The following TRHDE variants were observed in gnomAD, a reference collection of about 807,000 sequenced individuals.
The protein encoded by TRHDE is thyrotropin-releasing hormone-degrading ectoenzyme.
TRHDE carries 72 observed loss-of-function variants against 125.7 expected under a neutral mutation model. That is an observed-to-expected ratio of 0.57 (90% CI 0.47 to 0.70). TRHDE has a LOEUF of 0.70. Among genes scored for constraint, TRHDE ranks in the 30% least tolerant of loss-of-function variants. TRHDE has a pLI of 0.00. For synonymous variants in TRHDE, 509 were observed against 509.1 expected, an observed-to-expected ratio of 1.00 and a Z score of 0.00; for missense variants, 1,110 against 1,327.1, an observed-to-expected ratio of 0.84 and a Z score of 2.54.
chr12:72,543,680 G>A (rs1212782089), intron 7 of TRHDE, among the ~76,000 whole-genome samples: 1 of 151,214 alleles, frequency 6.6e-6, no homozygotes, highest in African/African-American at 2.4e-5. Flanking sequence ...GCAAGTTGAT[G>A]TGAAATCATT....
chr12:72,286,904 G>T lies in TRHDE; in HGVS notation c.1138G>T (p.Ala380Ser). The T allele has an allele frequency of 6.2e-7, 1 of 1,613,814 alleles. No individual in the cohort carries two copies. The highest frequency in any genetic ancestry group is 8.5e-7 in the Non-Finnish European group (1 of 1,179,944). The change falls in exon 2 of 19, where the codon GCA becomes TCA. Residue 380 changes from alanine to serine, a missense_variant. Coordinates refer to ENST00000261180, the MANE Select transcript of TRHDE (RefSeq NM_013381.3). ...PLMSTYYLAW[A>S]ICNFTYRETT... Reference sequence around the variant, plus strand: ...CATGTCCACATATTATTTAGCCTGGGCAATTTGCAACTTCACATACAGAGA... The same window carrying T: ...CATGTCCACATATTATTTAGCCTGGTCAATTTGCAACTTCACATACAGAGA...
rs1238419477 is a variant in TRHDE at position 72,575,269 on chromosome 12, A to G, written c.2146A>G (p.Thr716Ala). The G allele has an allele frequency of 2.5e-6, 4 of 1,613,308 alleles. No homozygotes were observed. Among genetic ancestry groups the G allele is most frequent in the Non-Finnish European group, 3.4e-6 (4 of 1,179,632 alleles). Residue 716 changes from threonine to alanine, a missense_variant, in exon 11 of 19, where the codon ACT becomes GCT. Coordinates refer to ENST00000261180, the MANE Select transcript of TRHDE (RefSeq NM_013381.3). ...VSNKSEHHRI[T>A]YLDKGSWLLG... ...GCTTTTTTCAGAGCACCACAGAATA[A>G]CTTATTTGGACAAAGGAAGCTGGCT...
At chr12:72,576,828 C>T (rs1484133776) in intron 12 of TRHDE, among the ~76,000 whole-genome samples, 1 of 152,036 alleles carries the variant, frequency 6.6e-6, no homozygotes, top group Middle Eastern at 3.2e-3. Context: ...AATCTAAGGA[C>T]AACTTATCAA....
intron 5 of TRHDE, among the ~76,000 whole-genome samples, chr12:72,493,941 A>G (rs1381068897): frequency 6.6e-6 from 1 of 151,958 alleles, no homozygotes; most frequent in African/African-American, 2.4e-5. Context: ...CCATTTTTAC[A>G]TGTAGCAAGT....
chr12:72,258,809 C>T (rs533067837), intron 2 of TRHDE, among the ~76,000 whole-genome samples: 1 of 152,248 alleles, frequency 6.6e-6, no homozygotes, highest in South Asian at 2.1e-4. Context: ...GTCAGTTATT[C>T]AATAGAAGTT....
chr12:72,113,552 C>G (rs1460617666), intron 2 of TRHDE, among the ~76,000 whole-genome samples: 2 of 151,966 alleles, frequency 1.3e-5, no homozygotes, highest in Admixed American at 1.3e-4. Flanking sequence ...CCTGCCTCAG[C>G]CTCCCAAAGT....
At chr12:72,325,181 C>G (rs1869283629) in intron 2 of TRHDE, among the ~76,000 whole-genome samples, 1 of 151,760 alleles carries the variant, frequency 6.6e-6, no homozygotes, top group African/African-American at 2.4e-5. Flanking sequence ...TTGAAAAAAC[C>G]CTTATTTTGT....
chr12:72,165,775 C>G (rs1332606942), intron 2 of TRHDE, among the ~76,000 whole-genome samples: 2 of 151,770 alleles, frequency 1.3e-5, no homozygotes, highest in Non-Finnish European at 2.9e-5. Flanking sequence ...CCTGGGTTCA[C>G]ACCATTCTCC....
At chr12:72,228,325 A>G (rs1878177761) in intron 2 of TRHDE, among the ~76,000 whole-genome samples, 1 of 152,156 alleles carries the variant, frequency 6.6e-6, no homozygotes, top group East Asian at 1.9e-4. Context: ...CACCACATGT[A>G]AGCTTCCAAG....
At chr12:72,383,328 T>A (rs1872267983) in intron 3 of TRHDE, among the ~76,000 whole-genome samples, 1 of 152,056 alleles carries the variant, frequency 6.6e-6, no homozygotes, top group Admixed American at 6.6e-5. Context: ...GTTTACTACA[T>A]GTGAGCCACT....
chr12:72,210,984 G>A (rs1390159320), intron 2 of TRHDE, among the ~76,000 whole-genome samples: 1 of 152,168 alleles, frequency 6.6e-6, no homozygotes, highest in African/African-American at 2.4e-5. Context: ...TAGAACCTTA[G>A]CAGCTGGCTG....
At chr12:72,564,683 T>TTTTTTTC in intron 9 of TRHDE, among the ~76,000 whole-genome samples, 1 of 95,344 alleles carries the variant, frequency 1.0e-5, no homozygotes, top group Non-Finnish European at 1.9e-5. Context: ...TTTTTTTTTT[T>TTTTTTTC]TTGAGACGGA....
intron 15 of TRHDE, among the ~76,000 whole-genome samples, chr12:72,644,606 G>T (rs1874201596): frequency 1.3e-5 from 2 of 152,346 alleles, no homozygotes; most frequent in South Asian, 4.1e-4. Context: ...AGCTCTGACA[G>T]ATCTGCCATA....
At chr12:72,087,496 G>A (rs897234169) in intron 1 of TRHDE, 1 of 152,206 alleles carries the variant, frequency 6.6e-6, no homozygotes. Flanking sequence ...GACCACAGAA[G>A]TGTCATCTAT....
At chr12:72,224,521 G>A (rs1324353474) in intron 2 of TRHDE, among the ~76,000 whole-genome samples, 1 of 152,108 alleles carries the variant, frequency 6.6e-6, no homozygotes, top group African/African-American at 2.4e-5. Flanking sequence ...ATTTGGTTGT[G>A]AGAGCATCAG....
At chr12:72,289,048 A>G (rs1228241723) in intron 2 of TRHDE, among the ~76,000 whole-genome samples, 1 of 152,106 alleles carries the variant, frequency 6.6e-6, no homozygotes, top group African/African-American at 2.4e-5. Context: ...TTGAAATCCA[A>G]TCTGTTTTCT....
chr12:72,165,190 CTT>C (rs1876717557), intron 2 of TRHDE, among the ~76,000 whole-genome samples: 1 of 152,184 alleles, frequency 6.6e-6, no homozygotes, highest in South Asian at 2.1e-4. Flanking sequence ...CTCTCTGTGA[CTT>C]TGGATTATTC....
At chr12:72,604,508 CTTA>C (rs369855744) in intron 12 of TRHDE, among the ~76,000 whole-genome samples, 12 of 152,032 alleles carry the variant, frequency 7.9e-5, no homozygotes, top group East Asian at 3.9e-4. Context: ...AACAATGACT[CTTA>C]TTAAGATTCC....
At chr12:72,438,955 T>C (rs1469804114) in intron 3 of TRHDE, among the ~76,000 whole-genome samples, 3 of 151,482 alleles carry the variant, frequency 2.0e-5, no homozygotes, top group Non-Finnish European at 3.0e-5. Flanking sequence ...AAGTCTTTAA[T>C]CCATTTGAGT....
Sources: gnomAD v4.1 joint callset for allele counts (sites outside exome capture counted in the v4.1 genomes callset) on GRCh38, gnomAD v4.1.1 for gene constraint, MANE v1.5 for transcripts, NCBI Gene and HGNC (gene_info 2026-07-23, HGNC 2026-07-21) for gene names.